TXLNB: variants seen among roughly 807,000 people sequenced by gnomAD.
TXLNB encodes beta-taxilin.
A neutral mutation model predicts 57.4 loss-of-function variants in TXLNB; 37 were observed. The ratio of observed to expected loss-of-function variants is 0.64; its 90% confidence interval spans 0.50 to 0.85. TXLNB has a LOEUF of 0.85. Ranked by LOEUF, TXLNB falls within the 40% of genes least tolerant of loss-of-function variation. The probability of loss-of-function intolerance (pLI) is 0.00; values close to 1 mark genes in which losing one functional copy is unlikely to be tolerated. For synonymous variants in TXLNB, 302 were observed against 309.6 expected (o/e 0.98, Z 0.26); for missense variants, 848 against 825.6 (o/e 1.03, Z -0.33).
chr6:139,285,282 A>G (rs1459716295), intron 2 of TXLNB, among the ~76,000 whole-genome samples: 2 of 142,122 alleles, frequency 1.4e-5, no homozygotes, highest in Non-Finnish European at 3.1e-5. Flanking sequence ...ACACACACAC[A>G]CACACACACA....
At chr6:139,168,937 A>G in the TXLNB span, among the ~76,000 whole-genome samples, 1 of 152,078 alleles carries the variant, frequency 6.6e-6, no homozygotes, top group African/African-American at 2.4e-5. Flanking sequence ...GAGAGGTCTG[A>G]TGTTACTCTT....
the TXLNB span, among the ~76,000 whole-genome samples, chr6:139,197,480 G>A: frequency 6.6e-6 from 1 of 152,134 alleles, no homozygotes; most frequent in African/African-American, 2.4e-5. Context: ...TTCACTAGTT[G>A]GAGGTATGAT....
At chr6:139,188,556 T>A in the TXLNB span, among the ~76,000 whole-genome samples, 1 of 152,232 alleles carries the variant, frequency 6.6e-6, no homozygotes, top group East Asian at 1.9e-4. Flanking sequence ...AGCATTTGAC[T>A]TATAAGGTTT....
the TXLNB span, among the ~76,000 whole-genome samples, chr6:139,168,416 A>G: frequency 6.8e-6 from 1 of 146,378 alleles, no homozygotes; most frequent in Non-Finnish European, 1.5e-5. Context: ...GATTATTTTG[A>G]TTTGCATAGT....
chr6:139,224,921 CAT>C, the TXLNB span, among the ~76,000 whole-genome samples: 1 of 152,068 alleles, frequency 6.6e-6, no homozygotes, highest in South Asian at 2.1e-4. Context: ...CTCCCATGAA[CAT>C]AGATGCAAGA....
chr6:139,296,534 A>T (rs1413330765), upstream of TXLNB, among the ~76,000 whole-genome samples: 1 of 151,514 alleles, frequency 6.6e-6, no homozygotes, highest in Non-Finnish European at 1.5e-5. Flanking sequence ...ATTATTTTGG[A>T]TGCTTACTTG....
intron 8 of TXLNB, among the ~76,000 whole-genome samples, chr6:139,246,979 C>G (rs986230563): frequency 6.6e-6 from 1 of 151,852 alleles, no homozygotes; most frequent in African/African-American, 2.4e-5. Context: ...ACTTGATGAG[C>G]AAGAACACAC....
chr6:139,209,711 T>C, the TXLNB span, among the ~76,000 whole-genome samples: 1 of 152,122 alleles, frequency 6.6e-6, no homozygotes, highest in African/African-American at 2.4e-5. Context: ...TATACAAAAA[T>C]CAACTCAGGG....
chr6:139,287,559 G>T (rs1212275114), intron 2 of TXLNB, among the ~76,000 whole-genome samples: 3 of 152,178 alleles, frequency 2.0e-5, no homozygotes, highest in African/African-American at 7.2e-5. Flanking sequence ...TCTAGCATGA[G>T]AGATGGGTAT....
At chr6:139,256,005 C>G (rs1776328250) in intron 6 of TXLNB, among the ~76,000 whole-genome samples, 1 of 151,944 alleles carries the variant, frequency 6.6e-6, no homozygotes, top group South Asian at 2.1e-4. Flanking sequence ...TCACTTGAGC[C>G]CAGGAATCCC....
chr6:139,262,733 C>A lies in TXLNB; in HGVS notation c.728G>T (p.Arg243Met). Residue 243 changes from arginine to methionine, a missense_variant, in exon 5 of 10, where the codon AGG (arginine) becomes ATG (methionine). Transcript: ENST00000358430. ...CTGGAAATGGCTTGTGATTTCCTTC[C>A]TTTTCTCTTCTTCCTCACGTGCCCG... Reference protein sequence around the residue: ...LQRAREEEEKRKEITSHFQST... With the variant: ...LQRAREEEEKMKEITSHFQST... The A allele has an allele frequency of 1.2e-6, 2 of 1,614,006 alleles. No homozygotes were observed. The highest frequency in any genetic ancestry group is 1.7e-6 in the Non-Finnish European group (2 of 1,179,970).
intron 6 of TXLNB, among the ~76,000 whole-genome samples, chr6:139,259,753 C>T (rs1776434028): frequency 6.6e-6 from 1 of 152,136 alleles, no homozygotes; most frequent in Admixed American, 6.6e-5. Context: ...TGTCCCCGCA[C>T]CTAACACGGT....
downstream of TXLNB, among the ~76,000 whole-genome samples, chr6:139,238,779 T>C (rs187392547): frequency 6.6e-6 from 1 of 152,334 alleles, no homozygotes; most frequent in East Asian, 1.9e-4. Flanking sequence ...CACTTTATGA[T>C]GAGAATGAAC....
At chr6:139,217,535 A>G in the TXLNB span, among the ~76,000 whole-genome samples, 1 of 152,192 alleles carries the variant, frequency 6.6e-6, no homozygotes, top group Non-Finnish European at 1.5e-5. Context: ...CGTCTGCTTC[A>G]TCCTGCTTCA....
chr6:139,278,306 A>G (rs1776952895), intron 2 of TXLNB, among the ~76,000 whole-genome samples: 1 of 152,152 alleles, frequency 6.6e-6, no homozygotes, highest in Non-Finnish European at 1.5e-5. Context: ...AATAGAAGGC[A>G]ACTTTTTTTT....
the TXLNB span, among the ~76,000 whole-genome samples, chr6:139,190,626 AGAT>A: frequency 4.6e-3 from 700 of 152,260 alleles, 3 homozygotes; most frequent in Non-Finnish European, 7.8e-3. Context: ...TGTTTCTTAT[AGAT>A]GATGTCTTCT....
the TXLNB span, among the ~76,000 whole-genome samples, chr6:139,316,991 G>C: frequency 6.6e-6 from 1 of 152,198 alleles, no homozygotes; most frequent in Non-Finnish European, 1.5e-5. Flanking sequence ...TGGATATTCT[G>C]CAACTCTTTT....
chr6:139,183,140 A>G, the TXLNB span: 16 of 152,326 alleles, frequency 1.1e-4, no homozygotes, highest in South Asian at 1.2e-3. Flanking sequence ...TTCATTGACA[A>G]TTGTACTCAT....
rs1775896796 is a variant in TXLNB, at chr6:139,240,114, T to G, written c.*2412A>C. ...ATATATAAATTATAGTTATTTAACTTAGAAAACAATAACTTTAGTGTTTCT... is the reference window on the plus strand; with the variant it reads ...ATATATAAATTATAGTTATTTAACTGAGAAAACAATAACTTTAGTGTTTCT... On this transcript the variant is annotated 3_prime_UTR_variant, in exon 10 of 10. Coordinates refer to ENST00000358430, the MANE Select transcript of TXLNB (RefSeq NM_153235.4). The G allele has an allele frequency of 6.6e-6, 1 of 152,568 alleles. No individual in the cohort carries two copies. The highest frequency in any genetic ancestry group is 2.4e-5 in the African/African-American group (1 of 41,436). The allele number at this position is 152,568 out of a possible 1,614,324, so 9.5% of individuals were successfully genotyped here.
Sources: gnomAD v4.1 joint callset for allele counts (sites outside exome capture counted in the v4.1 genomes callset) on GRCh38, gnomAD v4.1.1 for gene constraint, MANE v1.5 for transcripts, NCBI Gene and HGNC (gene_info 2026-07-23, HGNC 2026-07-21) for gene names.